The following CDH13 variants were observed in gnomAD, a reference collection of about 807,000 sequenced individuals.
CDH13 encodes cadherin-13.
Under a neutral mutation model 63.8 loss-of-function variants are expected in CDH13, and 24 were observed. The observed-to-expected ratio is 0.38, with a 90% CI of 0.27 to 0.53. The LOEUF (loss-of-function observed/expected upper bound fraction) is 0.53. Ranked by LOEUF, CDH13 falls within the 20% of genes least tolerant of loss-of-function variation. The pLI is 0.85. For missense variants in CDH13, 1,049 were observed against 903.1 expected (o/e 1.16, Z -2.07); for synonymous variants, 503 against 355.3 (o/e 1.42, Z -4.67).
intron 7 of CDH13, among the ~76,000 whole-genome samples, chr16:83,551,963 G>T (rs1043301907): frequency 6.6e-6 from 1 of 152,198 alleles, no homozygotes; most frequent in African/African-American, 2.4e-5. Context: ...TGGATGGATG[G>T]GTTGGTTAGC....
At chr16:83,216,429 T>TAC (rs1555513903) in intron 4 of CDH13, among the ~76,000 whole-genome samples, 1 of 105,696 alleles carries the variant, frequency 9.5e-6, no homozygotes, top group African/African-American at 3.3e-5. Context: ...TATATATATA[T>TAC]ATATATATAT....
At chr16:83,063,368 T>C (rs1029611756) in intron 3 of CDH13, among the ~76,000 whole-genome samples, 3 of 152,218 alleles carry the variant, frequency 2.0e-5, no homozygotes, top group Non-Finnish European at 4.4e-5. Context: ...CCCTGTGTTC[T>C]GTTCGTCAAA....
intron 7 of CDH13, among the ~76,000 whole-genome samples, chr16:83,583,822 C>T (rs1905872141): frequency 6.6e-6 from 1 of 151,970 alleles, no homozygotes. Context: ...GAAGCTGAGG[C>T]AGAAGAATCA....
At chr16:83,083,745 A>G (rs1475839455) in intron 3 of CDH13, among the ~76,000 whole-genome samples, 1 of 152,354 alleles carries the variant, frequency 6.6e-6, no homozygotes, top group East Asian at 1.9e-4. Context: ...CTCAAAGCTT[A>G]GAACTTTCTT....
chr16:83,627,291 G>A (rs768329684), intron 8 of CDH13, among the ~76,000 whole-genome samples: 7 of 151,936 alleles, frequency 4.6e-5, no homozygotes, highest in African/African-American at 9.6e-5. Flanking sequence ...CTCCGTCTCC[G>A]GGGAAGAAAA....
chr16:83,398,178 T>C (rs2091915821), intron 6 of CDH13: 1 of 151,784 alleles, frequency 6.6e-6, no homozygotes, highest in Non-Finnish European at 1.5e-5. Context: ...TTCCTAGGGC[T>C]GCCATAACAA....
intron 6 of CDH13, among the ~76,000 whole-genome samples, chr16:83,403,625 AAAT>A (rs34397198): frequency 5.4e-4 from 82 of 151,332 alleles, no homozygotes; most frequent in African/African-American, 1.8e-3. Flanking sequence ...TCCGTCTCAA[AAAT>A]AATAATAATA....
At chr16:82,689,164 C>A (rs994225130) in intron 1 of CDH13, 3 of 115,560 alleles carry the variant, frequency 2.6e-5, no homozygotes, top group Non-Finnish European at 5.3e-5. Flanking sequence ...TGCATCCAAA[C>A]ATTTTTTTTT....
At chr16:83,000,322 C>G (rs1407868555) in intron 2 of CDH13, among the ~76,000 whole-genome samples, 1 of 133,586 alleles carries the variant, frequency 7.5e-6, no homozygotes, top group Non-Finnish European at 1.5e-5. Flanking sequence ...GATCTCGGCT[C>G]GCTGCAACCT....
intron 4 of CDH13, among the ~76,000 whole-genome samples, chr16:83,191,462 T>TATATATATATATATATATATATATATGC (rs2038698000): frequency 1.9e-5 from 2 of 105,560 alleles, no homozygotes; most frequent in African/African-American, 7.5e-5. Flanking sequence ...ATAGGAAATA[T>TATATATATATATATATATATATATATGC]ATATATATAT....
intron 6 of CDH13, among the ~76,000 whole-genome samples, chr16:83,376,570 G>T (rs1203906099): frequency 6.6e-6 from 1 of 152,274 alleles, no homozygotes; most frequent in East Asian, 1.9e-4. Context: ...TGGCTTTGGA[G>T]AATGGGTAGG....
intron 8 of CDH13, among the ~76,000 whole-genome samples, chr16:83,620,437 C>T (rs1263222902): frequency 6.7e-6 from 1 of 148,690 alleles, no homozygotes; most frequent in Non-Finnish European, 1.5e-5. Context: ...TTCCAAGACT[C>T]AGAGCCCCCA....
intron 10 of CDH13, among the ~76,000 whole-genome samples, chr16:83,689,959 G>T (rs889049295): frequency 2.6e-5 from 4 of 152,204 alleles, no homozygotes; most frequent in Admixed American, 6.5e-5. Context: ...GCCAAGGTGG[G>T]TGGATCACCT....
chr16:83,663,673 G>T (rs1913659939), intron 8 of CDH13, among the ~76,000 whole-genome samples: 1 of 152,154 alleles, frequency 6.6e-6, no homozygotes. Flanking sequence ...CATGCCCCAG[G>T]TTGTCTGTGT....
intron 6 of CDH13, among the ~76,000 whole-genome samples, chr16:83,479,541 C>T (rs1344935219): frequency 6.6e-6 from 1 of 152,058 alleles, no homozygotes; most frequent in Non-Finnish European, 1.5e-5. Flanking sequence ...CCTGTAGTCC[C>T]AGCTACTCAG....
intron 1 of CDH13, among the ~76,000 whole-genome samples, chr16:82,679,362 G>A (rs1418510205): frequency 2.0e-5 from 3 of 152,202 alleles, no homozygotes; most frequent in Non-Finnish European, 4.4e-5. Context: ...GGGGAGCAGG[G>A]TAGCAGGGAG....
At chr16:83,023,617 G>A (rs1915543974) in intron 2 of CDH13, among the ~76,000 whole-genome samples, 1 of 152,266 alleles carries the variant, frequency 6.6e-6, no homozygotes, top group East Asian at 1.9e-4. Context: ...ATAGAAACAA[G>A]CATTTTTTAA....
At chr16:83,500,372 TTC>T (rs1567715496) in intron 7 of CDH13, among the ~76,000 whole-genome samples, 2 of 2,288 alleles carry the variant, frequency 8.7e-4, no homozygotes, top group African/African-American at 9.8e-4. Context: ...TTCTTCCTTC[TTC>T]TTTCTTCTTC....
At chr16:82,795,819 G>A (rs187331789) in intron 1 of CDH13, among the ~76,000 whole-genome samples, 1 of 152,198 alleles carries the variant, frequency 6.6e-6, no homozygotes, top group East Asian at 1.9e-4. Context: ...CTGATGAGCT[G>A]CCAGGCTCAG....
Sources: allele counts gnomAD v4.1 joint callset (sites outside exome capture counted in the v4.1 genomes callset), GRCh38; gene constraint gnomAD v4.1.1; transcripts MANE v1.5; gene names NCBI Gene and HGNC (gene_info 2026-07-23, HGNC 2026-07-21).